The following ST8SIA1 variants were observed in gnomAD, a reference collection of about 807,000 sequenced individuals.
The protein encoded by ST8SIA1 is ST8 alpha-N-acetyl-neuraminide alpha-2,8-sialyltransferase 1, also known as alpha-N-acetylneuraminide alpha-2,8-sialyltransferase.
A neutral mutation model predicts 35.9 loss-of-function variants in ST8SIA1; 16 were observed. The ratio of observed to expected loss-of-function variants is 0.45; its 90% CI spans 0.30 to 0.68. The LOEUF is 0.68. ST8SIA1 is among the 30% of genes least tolerant of loss of function. The probability of loss-of-function intolerance (pLI) is 0.09; values close to 1 mark genes in which losing one functional copy is unlikely to be tolerated. For synonymous variants in ST8SIA1, 170 were observed against 169.6 expected (o/e 1.00, Z -0.02); for missense variants, 383 against 453.6 (o/e 0.84, Z 1.41).
At chr12:22,287,447 C>T (rs952658516) in intron 1 of ST8SIA1, among the ~76,000 whole-genome samples, 154 bp from the exon 2 acceptor site, 12 of 149,960 alleles carry the variant, frequency 8.0e-5, no homozygotes, top group African/African-American at 3.0e-4. Context: ...TATTAATTCA[C>T]TCTTCTAGCC....
intron 2 of ST8SIA1, among the ~76,000 whole-genome samples, chr12:22,279,456 G>A (rs183946832): frequency 6.6e-6 from 1 of 152,254 alleles, no homozygotes; most frequent in Non-Finnish European, 1.5e-5. Flanking sequence ...TGTTCCTGCT[G>A]TGATAAATGA....
intron 2 of ST8SIA1, among the ~76,000 whole-genome samples, chr12:22,286,088 C>G (rs2135815808): frequency 6.6e-6 from 1 of 152,160 alleles, no homozygotes; most frequent in East Asian, 1.9e-4. Flanking sequence ...TAGTTATTTC[C>G]TTTGACACCT....
At chr12:22,249,352 G>A (rs990028874) in intron 3 of ST8SIA1, among the ~76,000 whole-genome samples, 6 of 151,616 alleles carry the variant, frequency 4.0e-5, no homozygotes, top group Admixed American at 1.3e-4. Flanking sequence ...CCGAGTAGCT[G>A]GGACTACAGG....
chr12:22,266,567 T>C (rs1230753282), intron 2 of ST8SIA1, among the ~76,000 whole-genome samples: 1 of 151,910 alleles, frequency 6.6e-6, no homozygotes, highest in Non-Finnish European at 1.5e-5. Flanking sequence ...CAGAAGGCTA[T>C]GGCAGGAGGA....
At chr12:22,242,242 A>G (rs1483620422) in intron 4 of ST8SIA1, among the ~76,000 whole-genome samples, 1 of 152,222 alleles carries the variant, frequency 6.6e-6, no homozygotes, top group East Asian at 1.9e-4. Flanking sequence ...ATGTTGAATA[A>G]TTAAGCCTGA....
At chr12:22,332,385 A>T (rs1259323896) in intron 1 of ST8SIA1, among the ~76,000 whole-genome samples, 1 of 152,184 alleles carries the variant, frequency 6.6e-6, no homozygotes, top group East Asian at 1.9e-4. Context: ...CTATCCTCTA[A>T]GAGGGCTTCA....
chr12:22,288,007 T>C (rs959936064), intron 1 of ST8SIA1, among the ~76,000 whole-genome samples: 1 of 152,184 alleles, frequency 6.6e-6, no homozygotes, highest in African/African-American at 2.4e-5. Flanking sequence ...GCTCCCTCAG[T>C]GTCTGAAGCA....
At chr12:22,272,321 T>C (rs151147583) in intron 2 of ST8SIA1, among the ~76,000 whole-genome samples, 21 of 152,340 alleles carry the variant, frequency 1.4e-4, no homozygotes, top group African/African-American at 4.8e-4. Flanking sequence ...TTAATGTATG[T>C]CCTTTACTAA....
chr12:22,281,474 C>T (rs534367610), intron 2 of ST8SIA1, among the ~76,000 whole-genome samples: 2 of 152,268 alleles, frequency 1.3e-5, no homozygotes, highest in African/African-American at 4.8e-5. Context: ...AGTAGTGGAA[C>T]CATGTTCTAG....
intron 2 of ST8SIA1, chr12:22,286,539 T>C: frequency 1.9e-6 from 1 of 517,532 alleles, no homozygotes; most frequent in South Asian, 1.4e-5. Flanking sequence ...AAAATAAAAT[T>C]TCCCTTTTCC....
At chr12:22,288,667 C>T (rs1339137261) in intron 1 of ST8SIA1, among the ~76,000 whole-genome samples, 1 of 152,174 alleles carries the variant, frequency 6.6e-6, no homozygotes, top group Non-Finnish European at 1.5e-5. Context: ...GAAAGAAGGA[C>T]AGAAGAGAAG....
intron 1 of ST8SIA1, among the ~76,000 whole-genome samples, chr12:22,307,542 G>A (rs1866400747): frequency 6.6e-6 from 1 of 152,118 alleles, no homozygotes; most frequent in Non-Finnish European, 1.5e-5. Flanking sequence ...GCACCTGTGG[G>A]TAGGGGGAGA....
intron 2 of ST8SIA1, chr12:22,286,626 A>G (rs1866104414): frequency 2.2e-6 from 1 of 461,110 alleles, no homozygotes; most frequent in Admixed American, 2.4e-5. Context: ...AATATTAAGT[A>G]AGCAAAGCTT....
Position 22,193,694 on chromosome 12 carries a change from T to A in ST8SIA1, c.*7858A>T, listed in dbSNP as rs1042814069. The A allele has an allele frequency of 3.3e-5, 5 of 152,202 alleles. No individual in the cohort carries two copies. Among genetic ancestry groups the A allele is most frequent in the Non-Finnish European group, 7.3e-5 (5 of 68,038 alleles). The allele number at this position is 152,202 out of a possible 1,614,324, so 9.4% of individuals were successfully genotyped here. On this transcript the variant is annotated 3_prime_UTR_variant, in exon 5 of 5. Transcript: ENST00000396037. Reference sequence around the variant, plus strand: ...TTTAGATGAAACTCTACAAAAAGAATTGAGCACACTGATTTTCTCCACACT... The same window carrying A: ...TTTAGATGAAACTCTACAAAAAGAAATGAGCACACTGATTTTCTCCACACT...
At chr12:22,245,006 T>C (rs1193991135) in intron 4 of ST8SIA1, among the ~76,000 whole-genome samples, 1 of 152,212 alleles carries the variant, frequency 6.6e-6, no homozygotes, top group African/African-American at 2.4e-5. Flanking sequence ...AGTTGGTTTA[T>C]CCTTGCACCA....
chr12:22,258,285 T>C (rs551583114), intron 2 of ST8SIA1, among the ~76,000 whole-genome samples: 1 of 152,074 alleles, frequency 6.6e-6, no homozygotes. Flanking sequence ...ATATGTCAAG[T>C]GCATGATGTC....
chr12:22,255,311 G>T lies in ST8SIA1; in HGVS notation c.460C>A (p.Arg154Ser), dbSNP rs565011134. ...ACAAAATTTGCTTCATCTATTTGACGGCCACAGCCACTCTTCTTCAGAATC... is the reference window on the plus strand; with the variant it reads ...ACAAAATTTGCTTCATCTATTTGACTGCCACAGCCACTCTTCTTCAGAATC... ...GGILKKSGCGRQIDEANFVMR... is the reference protein window; with the variant it reads ...GGILKKSGCGSQIDEANFVMR... Residue 154 changes from arginine (R) to serine (S), a missense_variant, in exon 3 of 5, where the codon CGT (arginine) becomes AGT (serine). Physicochemically the swap from Arg to Ser is moderately radical, Grantham distance 110. Transcript: ENST00000396037. 6.2e-7 allele frequency: 1 copy of T among 1,614,068 alleles called. No individual in the cohort carries two copies. The highest frequency in any genetic ancestry group is 1.7e-5 in the Admixed American group (1 of 60,002).
Position 22,195,624 on chromosome 12 carries a change from A to C in ST8SIA1, c.*5928T>G, listed in dbSNP as rs1334450486. ...TTATTAACCATAACAGCTGGATGAC[A>C]AGATATTTCCTTTAAAATATTTCAA... On this transcript the variant is annotated 3_prime_UTR_variant, in exon 5 of 5. Transcript: ENST00000396037. 1.3e-5 allele frequency: 2 copies of C among 152,202 alleles called. No homozygotes were observed. The highest frequency in any genetic ancestry group is 2.9e-5 in the Non-Finnish European group (2 of 68,026). The allele number at this position is 152,202 out of a possible 1,614,324, so 9.4% of individuals were successfully genotyped here. A position where few individuals can be genotyped will look rare whatever the true frequency, so the allele number is the denominator to read the frequency against.
chr12:22,246,767 A>G (rs1483437135), intron 4 of ST8SIA1, among the ~76,000 whole-genome samples: 1 of 152,134 alleles, frequency 6.6e-6, no homozygotes, highest in East Asian at 1.9e-4. Flanking sequence ...GCAGGTTCCT[A>G]GATTCACCAC....
Sources: allele counts gnomAD v4.1 joint callset (sites outside exome capture counted in the v4.1 genomes callset), GRCh38; gene constraint gnomAD v4.1.1; transcripts MANE v1.5; gene names NCBI Gene and HGNC (gene_info 2026-07-23, HGNC 2026-07-21).